NBAS: variants seen among roughly 807,000 people sequenced by gnomAD.
NBAS encodes NBAS subunit of NRZ tethering complex.
A neutral mutation model predicts 302.5 loss-of-function variants in NBAS; 219 were observed. The ratio of observed to expected loss-of-function variants is 0.72; its 90% CI spans 0.65 to 0.81. NBAS has a LOEUF of 0.81. Among genes scored for constraint, NBAS ranks in the 30% least tolerant of loss-of-function variants. The pLI, the probability that NBAS is intolerant of heterozygous loss-of-function variation, is 0.00. For synonymous variants in NBAS, 1,118 were observed against 1,021.6 expected, an observed-to-expected ratio of 1.09 and a Z score of -1.80; for missense variants, 2,932 against 2,841.6, an observed-to-expected ratio of 1.03 and a Z score of -0.72.
rs115032841 is a variant in NBAS, at chr2:15,256,545, C to T, written c.5725-17859G>A. ...CAATATGGACACCCTTTATTTTTTT[C>T]TCTTGTCTGACTGCTCTGGCTAGGA... On this transcript the variant is annotated intron_variant, in intron 44 of 51. Transcript: ENST00000281513. Among the ~76,000 whole-genome samples, 1,027 of 151,856 alleles carry T rather than the reference C, an allele frequency of 6.8e-3. 14 individuals are homozygous for T. The highest frequency in any genetic ancestry group is 0.024 in the African/African-American group (995 of 41,456).
rs1665356299 is a variant in NBAS, at chr2:15,191,521, C to T, written c.6433-1118G>A. On this transcript the variant is annotated intron_variant, in intron 48 of 51. Coordinates refer to ENST00000281513, the MANE Select transcript of NBAS (RefSeq NM_015909.4). ...ATAATAGCCCACAGCCATTTTGTAGCTTTTTTGAAATAATTTCACAATACA... is the reference window on the plus strand; with the variant it reads ...ATAATAGCCCACAGCCATTTTGTAGTTTTTTTGAAATAATTTCACAATACA... Among the ~76,000 whole-genome samples the T allele has an allele frequency of 2.6e-5, 4 of 152,262 alleles. No individual in the cohort carries two copies. The East Asian group carries it at 7.7e-4, about 29-fold the overall frequency.
At chr2:15,140,624 A>G in the NBAS span, among the ~76,000 whole-genome samples, 1 of 152,188 alleles carries the variant, frequency 6.6e-6, no homozygotes, top group Non-Finnish European at 1.5e-5. Flanking sequence ...AGGAAGAACT[A>G]TTACTTTTTA....
chr2:15,440,626 T>C (rs934337224), intron 21 of NBAS, among the ~76,000 whole-genome samples: 2 of 152,176 alleles, frequency 1.3e-5, no homozygotes, highest in Non-Finnish European at 1.5e-5. Flanking sequence ...AGGAACGCAG[T>C]TCCTCACCAG....
intron 6 of NBAS, among the ~76,000 whole-genome samples, 194 bp from the exon 7 acceptor site, chr2:15,539,550 C>T (rs749006001): frequency 6.6e-6 from 1 of 152,174 alleles, no homozygotes; most frequent in Non-Finnish European, 1.5e-5. Flanking sequence ...GAAATACAAA[C>T]CACTGCAACT....
chr2:15,283,730 C>T (rs997446287), intron 42 of NBAS, among the ~76,000 whole-genome samples: 1 of 152,188 alleles, frequency 6.6e-6, no homozygotes, highest in Non-Finnish European at 1.5e-5. Flanking sequence ...CTCTAATCTT[C>T]ACAACCCTCT....
the NBAS span, among the ~76,000 whole-genome samples, chr2:15,103,705 A>C: frequency 6.6e-6 from 1 of 152,196 alleles, no homozygotes; most frequent in Non-Finnish European, 1.5e-5. Flanking sequence ...TTTGCGCCTA[A>C]GAGTTTTCTT....
the NBAS span, among the ~76,000 whole-genome samples, chr2:14,916,359 C>T: frequency 6.6e-6 from 1 of 152,112 alleles, no homozygotes; most frequent in Non-Finnish European, 1.5e-5. Context: ...GGATGCAATA[C>T]AATACAAGGC....
intron 5 of NBAS, among the ~76,000 whole-genome samples, chr2:15,552,708 T>C (rs1186435294): frequency 2.0e-5 from 3 of 152,142 alleles, no homozygotes; most frequent in South Asian, 2.1e-4. Flanking sequence ...GACAGCATAA[T>C]TGGTCTCAAG....
At chr2:15,166,079 C>T (rs115970161), downstream of NBAS, among the ~76,000 whole-genome samples, 260 of 152,298 alleles carry the variant, frequency 1.7e-3, 2 homozygotes, top group African/African-American at 6.1e-3. Flanking sequence ...TCTAGAGCCT[C>T]CACCATCAAG....
At chr2:15,194,941 T>C (rs1430319306) in intron 48 of NBAS, among the ~76,000 whole-genome samples, 2 of 152,104 alleles carry the variant, frequency 1.3e-5, no homozygotes, top group African/African-American at 4.8e-5. Context: ...AAATTGTCTA[T>C]ATAGAAAATT....
At chr2:14,944,329 A>T in the NBAS span, among the ~76,000 whole-genome samples, 1 of 151,942 alleles carries the variant, frequency 6.6e-6, no homozygotes, top group Non-Finnish European at 1.5e-5. Flanking sequence ...AAAACAAAAA[A>T]ACAAAAAACT....
intron 21 of NBAS, among the ~76,000 whole-genome samples, chr2:15,442,922 C>T (rs1384502783): frequency 2.0e-5 from 3 of 152,234 alleles, no homozygotes; most frequent in South Asian, 4.1e-4. Context: ...ATAAATTCCT[C>T]GACACATACA....
chr2:15,514,993 T>C (rs143973471), intron 9 of NBAS, among the ~76,000 whole-genome samples: 161 of 152,280 alleles, frequency 1.1e-3, no homozygotes, highest in African/African-American at 3.8e-3. Flanking sequence ...ACGAATCATG[T>C]GTTGTTCCAA....
intron 19 of NBAS, among the ~76,000 whole-genome samples, chr2:15,466,168 C>T (rs1266669330): frequency 6.6e-6 from 1 of 152,030 alleles, no homozygotes; most frequent in Non-Finnish European, 1.5e-5. Context: ...ATTATATTAG[C>T]AGGGTGGGGG....
the NBAS span, among the ~76,000 whole-genome samples, chr2:14,923,172 T>G: frequency 3.3e-5 from 5 of 151,670 alleles, no homozygotes; most frequent in Admixed American, 1.3e-4. Flanking sequence ...AAAAAAGTAT[T>G]CATTCATTTA....
the NBAS span, among the ~76,000 whole-genome samples, chr2:15,096,305 CAG>C: frequency 6.6e-6 from 1 of 152,160 alleles, no homozygotes; most frequent in East Asian, 1.9e-4. Flanking sequence ...CAAAGAGAGA[CAG>C]AGACAAATTA....
the NBAS span, among the ~76,000 whole-genome samples, chr2:15,098,450 A>G: frequency 1.4e-4 from 8 of 58,686 alleles, no homozygotes; most frequent in African/African-American, 7.0e-4. Context: ...TATATTGTAT[A>G]TTATATATTA....
At chr2:15,074,702 T>G in the NBAS span, among the ~76,000 whole-genome samples, 1 of 151,974 alleles carries the variant, frequency 6.6e-6, no homozygotes, top group South Asian at 2.1e-4. Context: ...AAGATCTGTG[T>G]GGGAAAAGAT....
At chr2:14,784,542 C>T in the NBAS span, among the ~76,000 whole-genome samples, 1 of 152,178 alleles carries the variant, frequency 6.6e-6, no homozygotes, top group East Asian at 1.9e-4. Flanking sequence ...ATATGGCTAG[C>T]CAGTTTTCCC....
Sources: allele counts gnomAD v4.1 joint callset (sites outside exome capture counted in the v4.1 genomes callset), GRCh38; gene constraint gnomAD v4.1.1; transcripts MANE v1.5; gene names NCBI Gene and HGNC (gene_info 2026-07-23, HGNC 2026-07-21).